CFAP95: variants seen among roughly 807,000 people sequenced by gnomAD.
The protein encoded by CFAP95 is cilia and flagella associated protein 95.
At chr9:69,839,573 C>T in the CFAP95 span, among the ~76,000 whole-genome samples, 6 of 151,758 alleles carry the variant, frequency 4.0e-5, no homozygotes, top group Non-Finnish European at 5.9e-5. Flanking sequence ...ATTACAGGCA[C>T]GTGCCACCGT....
chr9:69,867,344 T>A, the CFAP95 span, among the ~76,000 whole-genome samples: 14 of 152,358 alleles, frequency 9.2e-5, no homozygotes, highest in Admixed American at 3.3e-4. Flanking sequence ...ATTCTTTGTT[T>A]CCTGTAAGTC....
At chr9:69,851,400 T>G in the CFAP95 span, among the ~76,000 whole-genome samples, 1 of 152,204 alleles carries the variant, frequency 6.6e-6, no homozygotes, top group Non-Finnish European at 1.5e-5. Flanking sequence ...GTAAAATATT[T>G]CATCAAAATG....
At chr9:69,836,931 C>T in the CFAP95 span, among the ~76,000 whole-genome samples, 2 of 140,002 alleles carry the variant, frequency 1.4e-5, no homozygotes, top group East Asian at 4.4e-4. Context: ...CTTCCTGTGT[C>T]CATGTGTTCT....
the CFAP95 span, among the ~76,000 whole-genome samples, chr9:69,831,690 G>C: frequency 6.6e-5 from 10 of 152,126 alleles, no homozygotes; most frequent in Admixed American, 6.5e-4. Context: ...TTGGACCAGG[G>C]GAGCTTTTCA....
At chr9:69,870,816 A>G in the CFAP95 span, among the ~76,000 whole-genome samples, 1 of 152,190 alleles carries the variant, frequency 6.6e-6, no homozygotes, top group Non-Finnish European at 1.5e-5. Flanking sequence ...AGGTCAGGAA[A>G]GGCTTCTGGG....
the CFAP95 span, among the ~76,000 whole-genome samples, chr9:69,893,520 T>C: frequency 6.6e-6 from 1 of 152,210 alleles, no homozygotes. Flanking sequence ...TTTGCTTCAT[T>C]CCATGTCCCT....
chr9:69,846,789 T>C, the CFAP95 span, among the ~76,000 whole-genome samples: 2 of 152,200 alleles, frequency 1.3e-5, no homozygotes, highest in African/African-American at 4.8e-5. Flanking sequence ...AAAGACACTC[T>C]TGATAGTTGG....
the CFAP95 span, among the ~76,000 whole-genome samples, chr9:69,855,755 G>A: frequency 1.3e-5 from 2 of 152,120 alleles, no homozygotes; most frequent in African/African-American, 4.8e-5. Context: ...TGGACCCAAA[G>A]CATCTGACTA....
the CFAP95 span, among the ~76,000 whole-genome samples, chr9:69,896,381 A>G: frequency 6.6e-6 from 1 of 152,176 alleles, no homozygotes; most frequent in Non-Finnish European, 1.5e-5. Flanking sequence ...TTAAAAGTCA[A>G]TTTATTTGTG....
At chr9:69,856,729 T>C in the CFAP95 span, 7 of 1,259,960 alleles carry the variant, frequency 5.6e-6, no homozygotes, top group Non-Finnish European at 8.0e-6. Flanking sequence ...AAAGGACTTG[T>C]ATAAGTAGCA....
the CFAP95 span, chr9:69,857,981 A>G: frequency 6.2e-7 from 1 of 1,613,072 alleles, no homozygotes; most frequent in Non-Finnish European, 8.5e-7. Flanking sequence ...GCAAAATGTT[A>G]GTAGTCCCTA....
At chr9:69,872,845 C>A in the CFAP95 span, among the ~76,000 whole-genome samples, 1 of 152,102 alleles carries the variant, frequency 6.6e-6, no homozygotes, top group Non-Finnish European at 1.5e-5. Flanking sequence ...AGCGACCCCC[C>A]AAATGCAGAA....
the CFAP95 span, among the ~76,000 whole-genome samples, chr9:69,835,396 A>C: frequency 6.6e-6 from 1 of 152,222 alleles, no homozygotes; most frequent in African/African-American, 2.4e-5. Context: ...CTTTGCAATC[A>C]GTGTTATGCA....
chr9:69,895,369 C>CTCTCTCTCTCTGTGTGTGTGTGTGTG, the CFAP95 span, among the ~76,000 whole-genome samples: 2 of 107,848 alleles, frequency 1.9e-5, no homozygotes, highest in African/African-American at 7.5e-5. Flanking sequence ...CTCTCTCTCT[C>CTCTCTCTCTCTGTGTGTGTGTGTGTG]TGTGTGTGTG....
chr9:69,904,127 A>G, the CFAP95 span, among the ~76,000 whole-genome samples: 1 of 152,044 alleles, frequency 6.6e-6, no homozygotes, highest in Non-Finnish European at 1.5e-5. Flanking sequence ...TATTTATGGG[A>G]TTGTACAATC....
At chr9:69,895,703 G>A in the CFAP95 span, among the ~76,000 whole-genome samples, 1 of 152,094 alleles carries the variant, frequency 6.6e-6, no homozygotes, top group African/African-American at 2.4e-5. Flanking sequence ...TTAATTCTCA[G>A]GAAACGGATT....
the CFAP95 span, among the ~76,000 whole-genome samples, chr9:69,859,108 A>G: frequency 6.6e-6 from 1 of 152,192 alleles, no homozygotes; most frequent in Non-Finnish European, 1.5e-5. Context: ...TTATAAACTC[A>G]TATCAGTTCA....
the CFAP95 span, among the ~76,000 whole-genome samples, chr9:69,894,496 C>T: frequency 6.6e-6 from 1 of 152,162 alleles, no homozygotes; most frequent in African/African-American, 2.4e-5. Context: ...TGAAGTAACA[C>T]TTATTGTCTA....
At chr9:69,821,152 A>G in the CFAP95 span, 1 of 1,146,902 alleles carries the variant, frequency 8.7e-7, no homozygotes, top group Non-Finnish European at 1.2e-6. Context: ...GACAGAGGAA[A>G]CGGAAAAAAG....
Sources: gnomAD v4.1 joint callset for allele counts (sites outside exome capture counted in the v4.1 genomes callset) on GRCh38, gnomAD v4.1.1 for gene constraint, MANE v1.5 for transcripts, NCBI Gene and HGNC (gene_info 2026-07-23, HGNC 2026-07-21) for gene names.